PUM3: variants seen among roughly 807,000 people sequenced by gnomAD.
The protein encoded by PUM3 is pumilio homolog 3.
In PUM3, 91 loss-of-function variants were observed where a neutral mutation model predicts 84.0. That is an observed-to-expected ratio of 1.08 (90% CI 0.91 to 1.29). The LOEUF (loss-of-function observed/expected upper bound fraction) is 1.29. PUM3 is among the 50% of genes most tolerant of loss of function. The pLI is 0.00. For synonymous variants in PUM3, 321 were observed against 266.7 expected (o/e 1.20, Z -1.98); for missense variants, 1,067 against 767.5 (o/e 1.39, Z -4.61).
In PUM3 at chr9:2,811,524, A is replaced by T; in HGVS notation, c.1472T>A (p.Leu491Ter). ...TTGGGCGTGTTCTTGCAGGTAGCTT[A>T]ACAAAGCTGGAGAAATGGATTCTAG... ...ELLESISPAL[L>*]SYLQEHAQEV... Residue 491 changes from leucine to a stop codon, truncating the protein, a stop_gained, in exon 15 of 18, where the codon TTA (leucine) becomes TAA (stop). Coordinates refer to ENST00000397885, the MANE Select transcript of PUM3 (RefSeq NM_014878.5). LOFTEE classifies it high-confidence loss of function. The T allele has an allele frequency of 1.9e-6, 3 of 1,614,192 alleles. No homozygotes were observed. The highest frequency in any genetic ancestry group is 1.7e-6 in the Non-Finnish European group (2 of 1,180,032).
At chr9:2,809,579 A>G (rs1821325057) in intron 16 of PUM3, among the ~76,000 whole-genome samples, 1 of 152,198 alleles carries the variant, frequency 6.6e-6, no homozygotes, top group Non-Finnish European at 1.5e-5. Flanking sequence ...ACTTGCCGCA[A>G]GACATGAATT....
chr9:2,836,543 A>C (rs1383033181), intron 3 of PUM3, among the ~76,000 whole-genome samples: 1 of 152,204 alleles, frequency 6.6e-6, no homozygotes, highest in Non-Finnish European at 1.5e-5. Context: ...ACTTCCAATC[A>C]GTGAGCAACT....
intron 6 of PUM3, 68 bp downstream of exon 6, chr9:2,831,183 G>C (rs891368838): frequency 5.0e-6 from 6 of 1,190,180 alleles, no homozygotes; most frequent in Non-Finnish European, 7.4e-6. Flanking sequence ...GGACAGTCTT[G>C]GGTATTTTAA....
intron 10 of PUM3, among the ~76,000 whole-genome samples, chr9:2,826,827 T>C (rs189696240): frequency 2.6e-5 from 4 of 152,146 alleles, no homozygotes; most frequent in African/African-American, 9.7e-5. Flanking sequence ...GGATACTCTC[T>C]GGATTATAAT....
intron 1 of PUM3, among the ~76,000 whole-genome samples, chr9:2,842,509 C>A (rs1055241829): frequency 6.6e-6 from 1 of 152,116 alleles, no homozygotes; most frequent in Non-Finnish European, 1.5e-5. Flanking sequence ...TTCTCTCTAC[C>A]AACACAATTT....
chr9:2,843,833 C>T (rs1172889489), intron 1 of PUM3, among the ~76,000 whole-genome samples: 1 of 152,178 alleles, frequency 6.6e-6, no homozygotes, highest in East Asian at 1.9e-4. Flanking sequence ...CCGCCTCGGC[C>T]TCCCAAAGTG....
chr9:2,837,046 T>C (rs2129883071), intron 3 of PUM3, 134 bp downstream of exon 3: 2 of 721,990 alleles, frequency 2.8e-6, no homozygotes, highest in East Asian at 2.5e-5. Context: ...TGCTTTGTTG[T>C]TTATTTAAGC....
At chr9:2,807,041 T>C (rs1259599963) in intron 17 of PUM3, among the ~76,000 whole-genome samples, 1 of 151,830 alleles carries the variant, frequency 6.6e-6, no homozygotes, top group East Asian at 1.9e-4. Context: ...ACCAGGTCTC[T>C]ACTAAAAATA....
At chr9:2,834,810 G>C (rs1051445864) in intron 3 of PUM3, among the ~76,000 whole-genome samples, 1 of 145,028 alleles carries the variant, frequency 6.9e-6, no homozygotes, top group Non-Finnish European at 1.5e-5. Flanking sequence ...GCCACAAACA[G>C]AGTGATACTA....
intron 15 of PUM3, 90 bp from the exon 16 acceptor site, chr9:2,810,521 T>A: frequency 5.7e-6 from 5 of 875,382 alleles, no homozygotes; most frequent in East Asian, 2.5e-5. Flanking sequence ...TGCCACCACA[T>A]ACAGATAAGG....
chr9:2,808,599 T>A (rs139624939), intron 16 of PUM3, among the ~76,000 whole-genome samples: 36 of 152,320 alleles, frequency 2.4e-4, no homozygotes, highest in Non-Finnish European at 4.6e-4. Context: ...TCAGGTAGCA[T>A]GTACTATATA....
At chr9:2,818,006 C>A (rs1279131885) in intron 13 of PUM3, among the ~76,000 whole-genome samples, 2 of 152,200 alleles carry the variant, frequency 1.3e-5, no homozygotes, top group African/African-American at 4.8e-5. Flanking sequence ...GAGCTCGTAT[C>A]CATTTTGAAA....
rs917241270 is a variant in PUM3 at position 2,815,252 on chromosome 9, C to CA, written c.1270-2891dup. ...TTTTTCAACCCACCTTATTGATCAG[C>CA]AAAAAAAATGTAGTATCATTTAATC... is the stretch of plus-strand genomic sequence containing the variant. On this transcript the variant is annotated intron_variant, in intron 13 of 17. Coordinates refer to ENST00000397885, the MANE Select transcript of PUM3 (RefSeq NM_014878.5). Among the ~76,000 whole-genome samples the CA allele has an allele frequency of 9.9e-5, 15 of 151,904 alleles. No individual in the cohort carries two copies. In the Middle Eastern group the frequency reaches 0.014, roughly 139 times the overall value.
intron 1 of PUM3, among the ~76,000 whole-genome samples, chr9:2,838,785 C>T (rs1816198256): frequency 6.6e-6 from 1 of 152,180 alleles, no homozygotes; most frequent in Non-Finnish European, 1.5e-5. Context: ...CATCACTTCA[C>T]TTCCACAATA....
rs1225010661 is a variant in PUM3, at chr9:2,827,146, G to C, written c.962C>G (p.Ala321Gly). 3 of 1,605,588 alleles carry C rather than the reference G, an allele frequency of 1.9e-6. No individual in the cohort carries two copies. The highest frequency in any genetic ancestry group is 4.5e-5 in the East Asian group (2 of 44,584). Residue 321 changes from alanine to glycine, a missense_variant, in exon 10 of 18, where the codon GCT becomes GGT. Ala to Gly is a moderately conservative substitution (Grantham distance 60, BLOSUM62 0). Transcript: ENST00000397885. ...ATGCACCAATGAGTGCTTAATCACA[G>C]CTTCCCTGAAAACAGAAAAAAAAAG... is the stretch of plus-strand genomic sequence containing the variant. Reference protein sequence around the residue: ...QILTPMAQKEAVIKHSLVHKV... With the variant: ...QILTPMAQKEGVIKHSLVHKV...
chr9:2,812,984 T>C (rs1821402718), intron 13 of PUM3, among the ~76,000 whole-genome samples: 1 of 152,216 alleles, frequency 6.6e-6, no homozygotes, highest in African/African-American at 2.4e-5. Context: ...AAAGAAACTC[T>C]GTTAAATCGA....
chr9:2,837,139 C>A, intron 3 of PUM3, 41 bp downstream of exon 3: 1 of 1,536,328 alleles, frequency 6.5e-7, no homozygotes. Context: ...TGTGCACAAT[C>A]GTTCAGGCAC....
chr9:2,807,455 T>A (rs1033701370), intron 17 of PUM3, among the ~76,000 whole-genome samples: 1 of 150,346 alleles, frequency 6.7e-6, no homozygotes, highest in African/African-American at 2.4e-5. Flanking sequence ...AAATAAAAAT[T>A]AGTTGGGTGT....
chr9:2,830,023 C>T (rs1674028132), intron 7 of PUM3, 75 bp from the exon 8 acceptor site: 1 of 1,307,084 alleles, frequency 7.7e-7, no homozygotes, highest in Non-Finnish European at 1.1e-6. Context: ...CAACTTACTT[C>T]TCCCAAGACC....
Sources: allele counts gnomAD v4.1 joint callset (sites outside exome capture counted in the v4.1 genomes callset), GRCh38; gene constraint gnomAD v4.1.1; transcripts MANE v1.5; gene names NCBI Gene and HGNC (gene_info 2026-07-23, HGNC 2026-07-21).